FYB1: variants seen among roughly 807,000 people sequenced by gnomAD.
The protein encoded by FYB1 is FYN-binding protein 1.
FYB1 carries 41 observed loss-of-function variants against 94.1 expected under a neutral mutation model. The observed-to-expected ratio is 0.44, with a 90% CI of 0.34 to 0.57. The LOEUF (loss-of-function observed/expected upper bound fraction) is 0.57. Ranked by LOEUF, FYB1 falls within the 20% of genes least tolerant of loss-of-function variation. FYB1 has a pLI of 0.02. For missense variants in FYB1, 1,050 were observed against 976.8 expected, an observed-to-expected ratio of 1.07 and a Z score of -1.00; for synonymous variants, 367 against 353.2, an observed-to-expected ratio of 1.04 and a Z score of -0.44.
chr5:39,115,904 G>A (rs571098385), intron 16 of FYB1, among the ~76,000 whole-genome samples: 377 of 152,260 alleles, frequency 2.5e-3, no homozygotes, highest in Non-Finnish European at 2.5e-3. Context: ...CCAACTGACA[G>A]TACTTGCATT....
chr5:39,247,821 C>T (rs261744), intron 1 of FYB1, among the ~76,000 whole-genome samples: 97,896 of 151,310 alleles, frequency 0.65, 36,296 homozygotes, highest in Non-Finnish European at 0.83. Flanking sequence ...AAAGTTTGTA[C>T]TAATAAACAT....
intron 2 of FYB1, 99 bp downstream of exon 2, chr5:39,201,727 A>G (rs1034608292): frequency 8.4e-6 from 9 of 1,070,990 alleles, no homozygotes; most frequent in Non-Finnish European, 1.2e-5. Context: ...AGTACCAGAT[A>G]TAGAGAATCA....
chr5:39,174,621 C>T (rs1469564910), intron 2 of FYB1, among the ~76,000 whole-genome samples: 1 of 152,192 alleles, frequency 6.6e-6, no homozygotes, highest in African/African-American at 2.4e-5. Context: ...ATGATTTACT[C>T]AAGGACACAA....
chr5:39,252,103 C>T (rs916967442), intron 1 of FYB1, among the ~76,000 whole-genome samples: 2 of 151,930 alleles, frequency 1.3e-5, no homozygotes, highest in East Asian at 3.9e-4. Flanking sequence ...CAAGATCGCG[C>T]CACTGGACTC....
chr5:39,213,123 T>C (rs1479763883), intron 1 of FYB1: 2 of 152,096 alleles, frequency 1.3e-5, no homozygotes, highest in East Asian at 3.9e-4. Context: ...ATTAAACTAA[T>C]AATCACATTT....
At chr5:39,215,202 A>G (rs925326015) in intron 1 of FYB1, among the ~76,000 whole-genome samples, 1 of 152,236 alleles carries the variant, frequency 6.6e-6, no homozygotes, top group African/African-American at 2.4e-5. Context: ...ATATTTTACC[A>G]TAATTAAAAA....
intron 1 of FYB1, among the ~76,000 whole-genome samples, chr5:39,235,696 G>T (rs1489540922): frequency 6.6e-6 from 1 of 151,856 alleles, no homozygotes; most frequent in Non-Finnish European, 1.5e-5. Context: ...GTGTTGTACT[G>T]AGTGAATAAA....
At chr5:39,203,035 T>C (rs772485102) in intron 1 of FYB1, 48 bp from the exon 2 acceptor site, 7 of 1,545,154 alleles carry the variant, frequency 4.5e-6, no homozygotes, top group South Asian at 3.4e-5. Flanking sequence ...AAGTCTTACT[T>C]GCACAGTTTA....
intron 2 of FYB1, among the ~76,000 whole-genome samples, chr5:39,195,649 G>GA (rs1399132011): frequency 6.6e-6 from 1 of 152,104 alleles, no homozygotes; most frequent in African/African-American, 2.4e-5. Flanking sequence ...CTAACATATG[G>GA]AAAAAATCAG....
Position 39,141,081 on chromosome 5 carries a change from T to G in FYB1, c.1339+14A>C. The G allele has an allele frequency of 6.5e-7, 1 of 1,548,402 alleles. No homozygotes were observed. The highest frequency in any genetic ancestry group is 8.8e-7 in the Non-Finnish European group (1 of 1,136,992). On this transcript the variant is annotated intron_variant, in intron 4 of 18. Transcript: ENST00000512982. Reference sequence around the variant, plus strand: ...TTTACAAATAAATAAATAAAATATGTTTTTGTCGTTTACCATCAGAGTGCG... The same window carrying G: ...TTTACAAATAAATAAATAAAATATGGTTTTGTCGTTTACCATCAGAGTGCG...
At position 39,244,991 on chromosome 5, in the gene FYB1, C is replaced by A. The variant is rs568424380; in HGVS notation, c.-28+29412G>T. ...TCTGTGGGATCGGTGGTGATATCCC[C>A]TTTATCATTTTTTATTGTTTCTATT... is the stretch of plus-strand genomic sequence containing the variant. On this transcript the variant is annotated intron_variant, in intron 1 of 1. Transcript: ENST00000510188. Among the ~76,000 whole-genome samples, 18 of 152,220 alleles carry A rather than the reference C, an allele frequency of 1.2e-4. No homozygotes were observed. In the South Asian group the frequency reaches 3.5e-3, roughly 30 times the overall value.
chr5:39,147,772 C>T (rs1447235033), intron 3 of FYB1, among the ~76,000 whole-genome samples: 5 of 150,432 alleles, frequency 3.3e-5, no homozygotes, highest in Admixed American at 1.3e-4. Flanking sequence ...GCTCCGCCTC[C>T]CAGGTTCACG....
chr5:39,153,672 A>T (rs576619446), intron 2 of FYB1, 68 bp from the exon 3 acceptor site: 1 of 1,462,666 alleles, frequency 6.8e-7, no homozygotes, highest in East Asian at 2.3e-5. Flanking sequence ...TTAATTGCAA[A>T]CATAGTTGGC....
intron 16 of FYB1, among the ~76,000 whole-genome samples, chr5:39,116,310 A>C (rs1739563825): frequency 6.6e-6 from 1 of 152,178 alleles, no homozygotes; most frequent in African/African-American, 2.4e-5. Context: ...TGTGGTTTCC[A>C]TCCTGTCTGA....
At chr5:39,135,139 T>G in intron 7 of FYB1, 125 bp from the exon 8 acceptor site, 1 of 1,051,826 alleles carries the variant, frequency 9.5e-7, no homozygotes, top group Non-Finnish European at 1.4e-6. Context: ...TTTACAGGGT[T>G]TAACCAGAAA....
intron 2 of FYB1, among the ~76,000 whole-genome samples, chr5:39,175,664 A>C (rs1041024801): frequency 2.0e-5 from 3 of 152,200 alleles, no homozygotes; most frequent in Admixed American, 2.0e-4. Flanking sequence ...CTAACTACCC[A>C]GTATTCTTCC....
intron 1 of FYB1, among the ~76,000 whole-genome samples, chr5:39,238,025 C>T (rs548578604): frequency 5.3e-5 from 8 of 152,008 alleles, no homozygotes; most frequent in African/African-American, 1.4e-4. Context: ...GCTAATACAT[C>T]GGTGGATGTA....
chr5:39,141,247 C>T lies in FYB1; in HGVS notation c.1293-106G>A, dbSNP rs1463225750. Reference sequence around the variant, plus strand: ...CATGAATTGTTCTTTTTTCTTGAACCTTTGCTCTGATTTAAAGCTTCAGAC... The same window carrying T: ...CATGAATTGTTCTTTTTTCTTGAACTTTTGCTCTGATTTAAAGCTTCAGAC... On this transcript the variant is annotated intron_variant, in intron 3 of 18. Transcript: ENST00000512982. 5 of 810,370 alleles carry T rather than the reference C, an allele frequency of 6.2e-6. No homozygotes were observed. In the African/African-American group the frequency reaches 6.9e-5, roughly 11 times the overall value. The allele number at this position is 810,370 out of a possible 1,614,324, so 50.2% of individuals were successfully genotyped here. A position where few individuals can be genotyped will look rare whatever the true frequency, so the allele number is the denominator to read the frequency against.
intron 7 of FYB1, among the ~76,000 whole-genome samples, chr5:39,135,766 T>G (rs1978631): frequency 0.46 from 70,623 of 151,982 alleles, 19,302 homozygotes; most frequent in African/African-American, 0.76. Context: ...ATAAAGAAAA[T>G]AATGTAAGTT....
Sources: gnomAD v4.1 joint callset for allele counts (sites outside exome capture counted in the v4.1 genomes callset) on GRCh38, gnomAD v4.1.1 for gene constraint, MANE v1.5 for transcripts, NCBI Gene and HGNC (gene_info 2026-07-23, HGNC 2026-07-21) for gene names.